WDR27: variants seen among roughly 807,000 people sequenced by gnomAD.
The protein encoded by WDR27 is WD repeat domain 27, also known as WD repeat-containing protein 27.
In WDR27, 100 loss-of-function variants were observed where a neutral mutation model predicts 114.4. The observed-to-expected ratio is 0.87, with a 90% confidence interval of 0.74 to 1.03. The LOEUF (loss-of-function observed/expected upper bound fraction) is 1.03, where lower values mean the gene tolerates loss of function less well. Among genes scored for constraint, WDR27 ranks in the 50% least tolerant of loss-of-function variants. The pLI, the probability that WDR27 is intolerant of heterozygous loss-of-function variation, is 0.00. For synonymous variants in WDR27, 449 were observed against 423.1 expected, an observed-to-expected ratio of 1.06 and a Z score of -0.75; for missense variants, 1,129 against 1,092.9, an observed-to-expected ratio of 1.03 and a Z score of -0.47.
At chr6:169,700,492 C>T (rs1268611239) in intron 1 of WDR27, among the ~76,000 whole-genome samples, 1 of 152,222 alleles carries the variant, frequency 6.6e-6, no homozygotes, top group Non-Finnish European at 1.5e-5. Context: ...GCCATGTAGT[C>T]GTTGAGTGCC....
rs1475789486 is a variant in WDR27 at position 169,636,588 on chromosome 6, T to G, written c.1870-84A>C. 2.9e-6 allele frequency: 4 copies of G among 1,370,236 alleles called. No homozygotes were observed. The East Asian group carries it at 9.6e-5, about 33-fold the overall frequency. 84.9% of individuals were successfully genotyped at this position (1,370,236 alleles called of 1,614,324 possible). On this transcript the variant is annotated intron_variant, in intron 18 of 25. Coordinates refer to ENST00000448612, the MANE Select transcript of WDR27 (RefSeq NM_182552.5). ...CTCTAAACATAAAATTATTTCTTCTTAAAACCCAACATCTATTTGTTCTAA... is the reference window on the plus strand; with the variant it reads ...CTCTAAACATAAAATTATTTCTTCTGAAAACCCAACATCTATTTGTTCTAA...
chr6:169,591,671 ACAGT>A (rs1457898722), intron 23 of WDR27, among the ~76,000 whole-genome samples: 1 of 152,146 alleles, frequency 6.6e-6, no homozygotes, highest in Non-Finnish European at 1.5e-5. Context: ...GAAGTCAATC[ACAGT>A]CATTACTCTT....
At chr6:169,617,372 C>T (rs1048932934) in intron 21 of WDR27, among the ~76,000 whole-genome samples, 30 of 152,106 alleles carry the variant, frequency 2.0e-4, no homozygotes, top group African/African-American at 6.5e-4. Flanking sequence ...AGGCTGGTTG[C>T]CCCACCCTAA....
intron 25 of WDR27, among the ~76,000 whole-genome samples, chr6:169,466,908 C>T (rs547089251): frequency 6.6e-6 from 1 of 152,312 alleles, no homozygotes; most frequent in East Asian, 1.9e-4. Context: ...AGCCAAGTCC[C>T]TTTGACCTAT....
At chr6:169,603,665 T>C (rs941390923) in intron 22 of WDR27, among the ~76,000 whole-genome samples, 2 of 152,214 alleles carry the variant, frequency 1.3e-5, no homozygotes. Flanking sequence ...GAAGAGGCCA[T>C]AGAGAGCAGT....
chr6:169,635,232 TG>T (rs1444786680), intron 19 of WDR27, among the ~76,000 whole-genome samples: 1 of 129,182 alleles, frequency 7.7e-6, no homozygotes, highest in Non-Finnish European at 1.6e-5. Context: ...CAGGTGTGGT[TG>T]GGGGGCAGGT....
chr6:169,594,538 G>A (rs911590435), intron 23 of WDR27, among the ~76,000 whole-genome samples: 1 of 152,066 alleles, frequency 6.6e-6, no homozygotes, highest in African/African-American at 2.4e-5. Context: ...ATTAATGTGT[G>A]GCTACTTATT....
At chr6:169,656,598 A>G (rs1282619810) in intron 13 of WDR27, among the ~76,000 whole-genome samples, 1 of 152,072 alleles carries the variant, frequency 6.6e-6, no homozygotes, top group Non-Finnish European at 1.5e-5. Flanking sequence ...GGGAGGGATC[A>G]CGTGAGGAGG....
chr6:169,597,471 C>A (rs1426844617), intron 23 of WDR27, among the ~76,000 whole-genome samples: 1 of 152,082 alleles, frequency 6.6e-6, no homozygotes, highest in Non-Finnish European at 1.5e-5. Context: ...GCAGATGAAG[C>A]AAGAAAAGAC....
rs113068295 is a variant in WDR27 at position 169,513,431 on chromosome 6, G to A, written c.2646-55797C>T. Among the ~76,000 whole-genome samples the A allele has an allele frequency of 3.7e-3, 564 of 152,192 alleles. 4 individuals carry two copies. The highest frequency in any genetic ancestry group is 0.013 in the African/African-American group (547 of 41,528). ...CCCACCTCTCGAGGAAAGAAGTGTT[G>A]AAGGATTTGCAGCCATGTTTCAAAA... On this transcript the variant is annotated intron_variant, in intron 25 of 25. Transcript: ENST00000448612.
Position 169,701,841 on chromosome 6 carries a change from C to T in WDR27, c.-298G>A, listed in dbSNP as rs572351617. The stretch of plus-strand genomic sequence containing the variant: ...GCGCAGCCCCCGCGCTCCAGCCCTG[C>T]GCCCTAGGCACACGCCCCAGAGCAG... On this transcript the variant is annotated 5_prime_UTR_variant, in exon 1 of 26. Coordinates refer to ENST00000448612, the MANE Select transcript of WDR27 (RefSeq NM_182552.5). 1.3e-5 allele frequency: 4 copies of T among 314,006 alleles called. No individual in the cohort carries two copies. The highest frequency in any genetic ancestry group is 2.5e-5 in the Non-Finnish European group (4 of 161,914). 19.5% of individuals were successfully genotyped at this position (314,006 alleles called of 1,614,324 possible).
chr6:169,696,498 C>G (rs980833516), intron 1 of WDR27, among the ~76,000 whole-genome samples: 4 of 152,200 alleles, frequency 2.6e-5, no homozygotes, highest in African/African-American at 9.6e-5. Flanking sequence ...AAAAAGCTGT[C>G]CGATCAAAAC....
rs144484331 is a variant in WDR27 at position 169,671,039 on chromosome 6, AT to A, written c.332-347del. On this transcript the variant is annotated intron_variant, in intron 3 of 25. Coordinates refer to ENST00000448612, the MANE Select transcript of WDR27 (RefSeq NM_182552.5). ...TCCAACCCCATGTCCACCCTCATGT[AT>A]AGGTTCAGCTAACATTGATTGGAAG... 1.8e-3 allele frequency: 363 copies of A among 202,498 alleles called. 2 individuals are homozygous for A. Among genetic ancestry groups the A allele is most frequent in the African/African-American group, 7.9e-3 (341 of 43,302 alleles). 12.5% of individuals were successfully genotyped at this position (202,498 alleles called of 1,614,324 possible). A position where few individuals can be genotyped will look rare whatever the true frequency, so the allele number is the denominator to read the frequency against.
At chr6:169,638,322 C>CAAAAAAA (rs60501000) in intron 18 of WDR27, among the ~76,000 whole-genome samples, 8 of 11,056 alleles carry the variant, frequency 7.2e-4, no homozygotes, top group Non-Finnish European at 1.7e-3. Context: ...GACTCCGTCT[C>CAAAAAAA]AAAAAAAAAA....
intron 25 of WDR27, among the ~76,000 whole-genome samples, chr6:169,475,606 G>A (rs1379425061): frequency 6.6e-6 from 1 of 152,178 alleles, no homozygotes; most frequent in African/African-American, 2.4e-5. Context: ...TTTTCACAAT[G>A]GAGAGAGCCA....
intron 23 of WDR27, 49 bp from the exon 24 acceptor site, chr6:169,582,983 T>A: frequency 6.4e-7 from 1 of 1,558,468 alleles, no homozygotes. Flanking sequence ...GAGTCAGGAA[T>A]CACCTGTAAG....
At chr6:169,642,728 G>A (rs1363347833) in intron 17 of WDR27, among the ~76,000 whole-genome samples, 1 of 152,142 alleles carries the variant, frequency 6.6e-6, no homozygotes. Flanking sequence ...GTCACTGGGG[G>A]CGCTCATCTG....
At chr6:169,473,227 T>C (rs924781807) in intron 25 of WDR27, among the ~76,000 whole-genome samples, 1 of 152,232 alleles carries the variant, frequency 6.6e-6, no homozygotes, top group African/African-American at 2.4e-5. Context: ...TCTCTGTCCA[T>C]GTAAACAGAA....
At position 169,647,962 on chromosome 6, in the gene WDR27, C is replaced by G. The variant is rs958433305; in HGVS notation, c.1560-92G>C. The G allele has an allele frequency of 1.2e-5, 10 of 805,016 alleles. No homozygotes were observed. The African/African-American group carries it at 1.6e-4, about 13-fold the overall frequency. 49.9% of individuals were successfully genotyped at this position (805,016 alleles called of 1,614,324 possible). A position where few individuals can be genotyped will look rare whatever the true frequency, so the allele number is the denominator to read the frequency against. ...GCAAGAAACGAAGTGGGCTTCCCCC[C>G]ATCTACATGTATAATCGTATTCCAG... On this transcript the variant is annotated intron_variant, in intron 15 of 25. Transcript: ENST00000448612.
Sources: allele counts gnomAD v4.1 joint callset (sites outside exome capture counted in the v4.1 genomes callset), GRCh38; gene constraint gnomAD v4.1.1; transcripts MANE v1.5; gene names NCBI Gene and HGNC (gene_info 2026-07-23, HGNC 2026-07-21).